THSD4: variants seen among roughly 807,000 people sequenced by gnomAD.
THSD4 encodes the protein thrombospondin type-1 domain-containing protein 4.
In THSD4, 69 loss-of-function variants were observed where a neutral mutation model predicts 119.0. The observed-to-expected ratio is 0.58, with a 90% confidence interval of 0.48 to 0.71. The LOEUF (loss-of-function observed/expected upper bound fraction) is 0.71, where lower values mean the gene tolerates loss of function less well. Among genes scored for constraint, THSD4 ranks in the 30% least tolerant of loss-of-function variants. THSD4 has a pLI of 0.00. For missense variants in THSD4, 1,393 were observed against 1,391.1 expected, an observed-to-expected ratio of 1.00 and a Z score of -0.02; for synonymous variants, 524 against 540.4, an observed-to-expected ratio of 0.97 and a Z score of 0.42.
At chr15:71,372,716 C>T (rs778654025) in intron 6 of THSD4, among the ~76,000 whole-genome samples, 4 of 152,218 alleles carry the variant, frequency 2.6e-5, no homozygotes, top group East Asian at 3.9e-4. Flanking sequence ...TTAGGCTACT[C>T]GGGGGTCAGG....
chr15:71,329,787 A>G (rs544296606), intron 6 of THSD4, among the ~76,000 whole-genome samples: 179 of 152,352 alleles, frequency 1.2e-3, no homozygotes, highest in Non-Finnish European at 1.5e-3. Context: ...GCAGTGTTCC[A>G]TTATTGCTAT....
At chr15:71,226,580 T>A (rs1402363265) in intron 4 of THSD4, among the ~76,000 whole-genome samples, 2 of 152,232 alleles carry the variant, frequency 1.3e-5, no homozygotes, top group Non-Finnish European at 2.9e-5. Context: ...TACTTGCATT[T>A]CATCGGTAAT....
chr15:71,505,677 GA>G (rs1248149181), intron 7 of THSD4, among the ~76,000 whole-genome samples: 8 of 152,188 alleles, frequency 5.3e-5, no homozygotes, highest in Non-Finnish European at 1.2e-4. Context: ...AACATAGATG[GA>G]AAAATAAGCT....
intron 7 of THSD4, among the ~76,000 whole-genome samples, chr15:71,451,766 T>G (rs2047268781): frequency 6.6e-6 from 1 of 152,150 alleles, no homozygotes; most frequent in Admixed American, 6.5e-5. Flanking sequence ...TCTCTTCCCC[T>G]TTCTCAGTCT....
chr15:71,579,094 C>T (rs2049511530), intron 7 of THSD4, among the ~76,000 whole-genome samples: 1 of 152,152 alleles, frequency 6.6e-6, no homozygotes, highest in African/African-American at 2.4e-5. Context: ...CCACCCACCT[C>T]AGCCTCCCAA....
At chr15:71,539,393 A>G (rs1230641824) in intron 7 of THSD4, among the ~76,000 whole-genome samples, 1 of 152,228 alleles carries the variant, frequency 6.6e-6, no homozygotes, top group Non-Finnish European at 1.5e-5. Context: ...TAGCCATACC[A>G]TATGGACCTC....
At chr15:71,354,942 C>G (rs1469348375) in intron 6 of THSD4, among the ~76,000 whole-genome samples, 1 of 152,198 alleles carries the variant, frequency 6.6e-6, no homozygotes, top group Non-Finnish European at 1.5e-5. Flanking sequence ...CCTTGAATTT[C>G]CTGTGCCTGT....
chr15:71,673,166 G>T (rs1193037149), intron 8 of THSD4, among the ~76,000 whole-genome samples: 3 of 152,180 alleles, frequency 2.0e-5, no homozygotes, highest in African/African-American at 4.8e-5. Flanking sequence ...CAATTTCAGA[G>T]CCTGTTATTG....
chr15:71,720,663 C>G (rs2052705021), intron 8 of THSD4, among the ~76,000 whole-genome samples: 2 of 152,296 alleles, frequency 1.3e-5, no homozygotes, highest in Middle Eastern at 3.4e-3. Context: ...TCCACATTAG[C>G]TAACACATTC....
chr15:71,548,875 T>C (rs1336278537), intron 7 of THSD4, among the ~76,000 whole-genome samples: 1 of 152,148 alleles, frequency 6.6e-6, no homozygotes, highest in East Asian at 1.9e-4. Context: ...GCACATATGG[T>C]CTGGGGAGAC....
At chr15:71,574,218 G>T (rs2049407897) in intron 7 of THSD4, among the ~76,000 whole-genome samples, 1 of 152,120 alleles carries the variant, frequency 6.6e-6, no homozygotes, top group South Asian at 2.1e-4. Context: ...CTTCATGTAT[G>T]CATTCAACAT....
At chr15:71,346,964 C>G (rs1043420589) in intron 6 of THSD4, among the ~76,000 whole-genome samples, 1 of 147,940 alleles carries the variant, frequency 6.8e-6, no homozygotes, top group African/African-American at 2.5e-5. Context: ...GCCTCCGCCT[C>G]CTGGGTTCAA....
At chr15:71,304,887 A>G (rs2045002810) in intron 6 of THSD4, among the ~76,000 whole-genome samples, 1 of 152,252 alleles carries the variant, frequency 6.6e-6, no homozygotes, top group Admixed American at 6.5e-5. Flanking sequence ...TTGTTATGAA[A>G]TAAATATGCT....
At chr15:71,487,595 T>C (rs1488637519) in intron 7 of THSD4, among the ~76,000 whole-genome samples, 1 of 152,224 alleles carries the variant, frequency 6.6e-6, no homozygotes, top group African/African-American at 2.4e-5. Context: ...GTTCCCCTTA[T>C]GGCCAGCTTA....
At chr15:71,668,884 GA>G (rs2051467219) in intron 8 of THSD4, among the ~76,000 whole-genome samples, 1 of 152,152 alleles carries the variant, frequency 6.6e-6, no homozygotes, top group African/African-American at 2.4e-5. Flanking sequence ...TAAATAACTG[GA>G]AAAGTTATTT....
chr15:71,537,898 G>GT (rs1218088067), intron 7 of THSD4, among the ~76,000 whole-genome samples: 2 of 151,964 alleles, frequency 1.3e-5, no homozygotes, highest in African/African-American at 4.8e-5. Context: ...AAGTAGCTGG[G>GT]TTTACAGGTA....
intron 6 of THSD4, among the ~76,000 whole-genome samples, chr15:71,297,083 G>A (rs2044872441): frequency 6.6e-6 from 1 of 151,926 alleles, no homozygotes; most frequent in Non-Finnish European, 1.5e-5. Flanking sequence ...TTAATGAGGT[G>A]AAATTCACAT....
At chr15:71,477,893 C>T (rs1322712333) in intron 7 of THSD4, among the ~76,000 whole-genome samples, 1 of 152,254 alleles carries the variant, frequency 6.6e-6, no homozygotes, top group Non-Finnish European at 1.5e-5. Flanking sequence ...AACTATCTCA[C>T]TGCTTGCTTT....
intron 6 of THSD4, among the ~76,000 whole-genome samples, chr15:71,294,226 C>T (rs1434529571): frequency 6.6e-6 from 1 of 152,184 alleles, no homozygotes; most frequent in Non-Finnish European, 1.5e-5. Context: ...TCTGTTTCTT[C>T]TGTCTTCTTG....
Sources: allele counts gnomAD v4.1 joint callset (sites outside exome capture counted in the v4.1 genomes callset), GRCh38; gene constraint gnomAD v4.1.1; transcripts MANE v1.5; gene names NCBI Gene and HGNC (gene_info 2026-07-23, HGNC 2026-07-21).